The following HSD17B12 variants were observed in gnomAD, a reference collection of about 807,000 sequenced individuals.
The protein encoded by HSD17B12 is very-long-chain 3-oxoacyl-CoA reductase.
In HSD17B12, 32 loss-of-function variants were observed where a neutral mutation model predicts 39.3. The ratio of observed to expected loss-of-function variants is 0.81; its 90% CI spans 0.61 to 1.09. The LOEUF (loss-of-function observed/expected upper bound fraction) is 1.09, where lower values mean the gene tolerates loss of function less well. Ranked by LOEUF, HSD17B12 falls within the 50% of genes least tolerant of loss-of-function variation. HSD17B12 has a pLI of 0.00. For missense variants in HSD17B12, 342 were observed against 382.9 expected (o/e 0.89, Z 0.89); for synonymous variants, 150 against 146.7 (o/e 1.02, Z -0.16).
At chr11:43,736,902 C>A (rs1431905108) in intron 1 of HSD17B12, among the ~76,000 whole-genome samples, 1 of 152,160 alleles carries the variant, frequency 6.6e-6, no homozygotes, top group African/African-American at 2.4e-5. Flanking sequence ...GTTGAGACTG[C>A]TATTTTTAGC....
chr11:43,589,152 T>A, the HSD17B12 span, among the ~76,000 whole-genome samples: 1 of 152,222 alleles, frequency 6.6e-6, no homozygotes, highest in African/African-American at 2.4e-5. Flanking sequence ...CTATTTGCTA[T>A]CGTAAATAAT....
intron 1 of HSD17B12, among the ~76,000 whole-genome samples, chr11:43,692,240 T>C (rs1949869317): frequency 6.6e-6 from 1 of 152,252 alleles, no homozygotes; most frequent in Non-Finnish European, 1.5e-5. Flanking sequence ...TTCTATTTTT[T>C]GTTCTACTTT....
At chr11:43,690,385 TATATATATATATATATA>T (rs1949846518) in intron 1 of HSD17B12, among the ~76,000 whole-genome samples, 14 of 15,110 alleles carry the variant, frequency 9.3e-4, no homozygotes, top group South Asian at 5.1e-3. Context: ...TATATATATA[TATATATATATATATATA>T]TATTTTTTTT....
the HSD17B12 span, among the ~76,000 whole-genome samples, chr11:43,599,208 G>A: frequency 2.0e-5 from 3 of 152,166 alleles, no homozygotes; most frequent in Non-Finnish European, 4.4e-5. Flanking sequence ...GCAGGACTCG[G>A]TGTGATTTTT....
chr11:43,655,524 A>G, the HSD17B12 span, among the ~76,000 whole-genome samples: 1 of 152,188 alleles, frequency 6.6e-6, no homozygotes, highest in Non-Finnish European at 1.5e-5. Context: ...CCCATTCAGT[A>G]TGATATTGGC....
the HSD17B12 span, among the ~76,000 whole-genome samples, chr11:43,620,174 C>T: frequency 8.2e-3 from 1,255 of 152,304 alleles, 13 homozygotes; most frequent in Non-Finnish European, 0.012. Flanking sequence ...GTTTCATTTA[C>T]CTTTTCTTTA....
At chr11:43,714,750 C>G (rs1950104876) in intron 1 of HSD17B12, among the ~76,000 whole-genome samples, 1 of 152,294 alleles carries the variant, frequency 6.6e-6, no homozygotes, top group East Asian at 1.9e-4. Context: ...TTCTTCCTAT[C>G]TATGAGCATG....
chr11:43,813,133 G>A (rs544752009), intron 4 of HSD17B12, among the ~76,000 whole-genome samples: 68 of 152,190 alleles, frequency 4.5e-4, no homozygotes, highest in Admixed American at 1.1e-3. Context: ...GAGCCACCAC[G>A]CCTGGCAACT....
At chr11:43,840,385 A>G (rs572766206) in intron 9 of HSD17B12, among the ~76,000 whole-genome samples, 2 of 152,186 alleles carry the variant, frequency 1.3e-5, no homozygotes, top group African/African-American at 4.8e-5. Context: ...ATTGTGGTAA[A>G]ATAAACATAA....
At chr11:43,636,007 T>G in the HSD17B12 span, among the ~76,000 whole-genome samples, 1 of 152,200 alleles carries the variant, frequency 6.6e-6, no homozygotes, top group Admixed American at 6.5e-5. Flanking sequence ...GCTTCAATGG[T>G]GTTGACTTTA....
intron 5 of HSD17B12, 88 bp from the exon 6 acceptor site, chr11:43,816,259 C>A: frequency 9.0e-7 from 1 of 1,105,798 alleles, no homozygotes; most frequent in Non-Finnish European, 1.2e-6. Flanking sequence ...GGGAAATGTT[C>A]AATGCTTCTC....
the HSD17B12 span, among the ~76,000 whole-genome samples, chr11:43,655,291 TAAG>T: frequency 6.6e-6 from 1 of 152,192 alleles, no homozygotes; most frequent in Non-Finnish European, 1.5e-5. Context: ...CTTATCAGCT[TAAG>T]GAGATTTTGG....
chr11:43,588,280 G>A, the HSD17B12 span, among the ~76,000 whole-genome samples: 31 of 152,362 alleles, frequency 2.0e-4, no homozygotes, highest in East Asian at 6.0e-3. Flanking sequence ...GTCACTGCTA[G>A]GAGAGGACCC....
At chr11:43,684,256 A>T (rs573396349) in intron 1 of HSD17B12, among the ~76,000 whole-genome samples, 1 of 152,320 alleles carries the variant, frequency 6.6e-6, no homozygotes, top group Non-Finnish European at 1.5e-5. Flanking sequence ...TACTTCCTGT[A>T]TTTCTTAGGA....
intron 2 of HSD17B12, among the ~76,000 whole-genome samples, chr11:43,752,134 T>C (rs1189929389): frequency 6.6e-6 from 1 of 152,196 alleles, no homozygotes; most frequent in Non-Finnish European, 1.5e-5. Flanking sequence ...TTTAGTTGTT[T>C]TGCAGACAAA....
intron 3 of HSD17B12, among the ~76,000 whole-genome samples, chr11:43,787,731 C>T (rs1356260344): frequency 3.7e-5 from 5 of 135,972 alleles, no homozygotes; most frequent in Non-Finnish European, 6.5e-5. Context: ...AGCAAGACTC[C>T]GTCTCGGAAA....
Position 43,680,744 on chromosome 11 carries a change from C to A in HSD17B12, c.-84C>A. ...CGGAGCAGCGCCTATTAGTGTCATC[C>A]TCACCGTCACGGCCGGCGCCTCCTC... On this transcript the variant is annotated 5_prime_UTR_variant, in exon 1 of 11. Coordinates refer to ENST00000278353, the MANE Select transcript of HSD17B12 (RefSeq NM_016142.3). The A allele has an allele frequency of 1.6e-6, 2 of 1,270,600 alleles. No homozygotes were observed. The highest frequency in any genetic ancestry group is 1.2e-5 in the South Asian group (1 of 82,854). The allele number at this position is 1,270,600 out of a possible 1,614,324, so 78.7% of individuals were successfully genotyped here.
intron 1 of HSD17B12, among the ~76,000 whole-genome samples, chr11:43,689,051 C>T (rs1483219116): frequency 6.6e-6 from 1 of 152,042 alleles, no homozygotes; most frequent in Non-Finnish European, 1.5e-5. Context: ...ATGAACAGAC[C>T]AATTAGGAGA....
the HSD17B12 span, among the ~76,000 whole-genome samples, chr11:43,576,316 A>T: frequency 6.6e-6 from 1 of 152,230 alleles, no homozygotes; most frequent in Admixed American, 6.5e-5. Context: ...TTTAATGCAC[A>T]TTTAATGTTT....
Sources: gnomAD v4.1 joint callset for allele counts (sites outside exome capture counted in the v4.1 genomes callset) on GRCh38, gnomAD v4.1.1 for gene constraint, MANE v1.5 for transcripts, NCBI Gene and HGNC (gene_info 2026-07-23, HGNC 2026-07-21) for gene names.